The following ESCO2 variants were observed in gnomAD, a reference collection of about 807,000 sequenced individuals.
ESCO2 encodes the protein establishment of sister chromatid cohesion N-acetyltransferase 2.
A neutral mutation model predicts 61.7 loss-of-function variants in ESCO2; 51 were observed. The observed-to-expected ratio is 0.83, with a 90% CI of 0.66 to 1.04. The LOEUF (loss-of-function observed/expected upper bound fraction) is 1.04, where lower values mean the gene tolerates loss of function less well. ESCO2 is among the 50% of genes least tolerant of loss of function. The pLI, the probability that ESCO2 is intolerant of heterozygous loss-of-function variation, is 0.00. For missense variants in ESCO2, 692 were observed against 686.2 expected (o/e 1.01, Z -0.09); for synonymous variants, 230 against 238.2 (o/e 0.97, Z 0.32).
At chr8:27,797,817 C>T (rs1368480898) in intron 9 of ESCO2, among the ~76,000 whole-genome samples, 2 of 152,132 alleles carry the variant, frequency 1.3e-5, no homozygotes, top group Non-Finnish European at 2.9e-5. Context: ...AAGCTCTGCA[C>T]TTTTTTTCCC....
At chr8:27,792,253 A>G (rs1805193680) in intron 8 of ESCO2, among the ~76,000 whole-genome samples, 2 of 152,198 alleles carry the variant, frequency 1.3e-5, no homozygotes, top group Admixed American at 1.3e-4. Flanking sequence ...CTTATCTTTT[A>G]TATTCATCTT....
Position 27,776,643 on chromosome 8 carries a change from C to G in ESCO2, c.335C>G (p.Thr112Ser), listed in dbSNP as rs754282679. The G allele has an allele frequency of 1.9e-6, 3 of 1,613,864 alleles. No homozygotes were observed. The East Asian group carries it at 6.7e-5, about 36-fold the overall frequency. Residue 112 changes from threonine to serine, a missense_variant, in exon 3 of 11, where the codon ACT (threonine) becomes AGT (serine). Physicochemically the swap from Thr to Ser is moderately conservative, Grantham distance 58. Transcript: ENST00000305188. ...IKESRSTCLK[T>S]NDEDKSFPIV... ...GAGAGTAGATCTACTTGTCTAAAAA[C>G]TAATGATGAAGATAAATCTTTTCCC...
At chr8:27,772,891 G>A (rs1163365457), upstream of ESCO2, among the ~76,000 whole-genome samples, 2 of 152,140 alleles carry the variant, frequency 1.3e-5, no homozygotes, top group Non-Finnish European at 2.9e-5. Context: ...AAGTTAATGG[G>A]CGCCAAGGGT....
At position 27,788,968 on chromosome 8, in the gene ESCO2, T is replaced by A; in HGVS notation, c.1253T>A (p.Ile418Asn). 1 of 1,614,080 alleles carries A rather than the reference T, an allele frequency of 6.2e-7. No individual in the cohort carries two copies. The highest frequency in any genetic ancestry group is 1.1e-5 in the South Asian group (1 of 91,082). ...CATCACCACAGGTTTCTGGAAGGAATCAAATATGTGGTGAGCCAAAACATA... is the reference window on the plus strand; with the variant it reads ...CATCACCACAGGTTTCTGGAAGGAAACAAATATGTGGTGAGCCAAAACATA... ...VQHHHRFLEG[I>N]KYVGWKKERV... Residue 418 changes from isoleucine to asparagine, a missense_variant, in exon 7 of 11, where the codon ATC becomes AAC. Physicochemically the swap from Ile to Asn is moderately radical, Grantham distance 149. Transcript: ENST00000305188.
At chr8:27,774,773 C>G in intron 1 of ESCO2, 166 bp downstream of exon 1, 1 of 152,300 alleles carries the variant, frequency 6.6e-6, no homozygotes, top group Non-Finnish European at 1.5e-5. Context: ...TCCGCGCTCA[C>G]AGGCGCCGGG....
the ESCO2 span, among the ~76,000 whole-genome samples, chr8:27,818,922 GT>G: frequency 2.6e-5 from 4 of 151,980 alleles, no homozygotes; most frequent in African/African-American, 9.7e-5. Flanking sequence ...AAACAGCTGT[GT>G]TTTTTTCTAA....
chr8:27,795,927 C>A (rs1221646241), intron 9 of ESCO2, among the ~76,000 whole-genome samples: 1 of 150,576 alleles, frequency 6.6e-6, no homozygotes, highest in African/African-American at 2.4e-5. Flanking sequence ...TTGTAGTGTC[C>A]TTTTCTGGCT....
chr8:27,790,468 T>G (rs1258436050), intron 7 of ESCO2, among the ~76,000 whole-genome samples: 1 of 152,220 alleles, frequency 6.6e-6, no homozygotes, highest in Non-Finnish European at 1.5e-5. Context: ...AACAGATTCA[T>G]CTATATATCT....
the ESCO2 span, among the ~76,000 whole-genome samples, chr8:27,818,023 C>G: frequency 4.6e-5 from 7 of 152,190 alleles, no homozygotes; most frequent in Non-Finnish European, 2.9e-5. Context: ...CAGCTCATAA[C>G]TACTGTATTG....
intron 7 of ESCO2, 36 bp from the exon 8 acceptor site, chr8:27,791,927 A>G (rs570516620): frequency 6.3e-7 from 1 of 1,595,030 alleles, no homozygotes; most frequent in African/African-American, 1.3e-5. Context: ...TCCTCTTCAC[A>G]AATTAAACTG....
Position 27,776,929 on chromosome 8 carries a change from T to C in ESCO2, c.621T>C (p.Gly207=), listed in dbSNP as rs1323155281. ...TAAAACCACAAGTTACACTCCAGGG[T>C]GGAGCAGCATTTTTTGTTAGAAAAA... ...QKIKPQVTLQ[G]GAAFFVRKKS... The change falls in exon 3 of 11, where the codon GGT becomes GGC. Residue 207 remains glycine (G), a synonymous_variant. Transcript: ENST00000305188. 6 of 1,613,380 alleles carry C rather than the reference T, an allele frequency of 3.7e-6. No homozygotes were observed. The highest frequency in any genetic ancestry group is 5.1e-6 in the Non-Finnish European group (6 of 1,179,894).
rs192436463 is a variant in ESCO2, at chr8:27,782,816, C to T, written c.956-1184C>T. ...AATCTTTTTGTCTTTATCCTTATAA[C>T]TTCTAGTCAAAACACCATTTGCTAA... On this transcript the variant is annotated intron_variant, in intron 4 of 10. Coordinates refer to ENST00000305188, the MANE Select transcript of ESCO2 (RefSeq NM_001017420.3). Among the ~76,000 whole-genome samples, 4 of 151,994 alleles carry T rather than the reference C, an allele frequency of 2.6e-5. No individual in the cohort carries two copies. The East Asian group carries it at 5.8e-4, about 22-fold the overall frequency.
At chr8:27,789,166 T>C (rs983640462) in intron 7 of ESCO2, among the ~76,000 whole-genome samples, 188 bp downstream of exon 7, 6 of 152,178 alleles carry the variant, frequency 3.9e-5, no homozygotes, top group African/African-American at 1.4e-4. Flanking sequence ...AGTCCAGATA[T>C]ACAAAATTCA....
rs764809668 is a variant in ESCO2 at position 27,780,187 on chromosome 8, A to G, written c.875A>G (p.Asp292Gly). ...ACCTATTTTCAGGATTCATCAGATG[A>G]CAGAGTTTCTTCAAAGGAACATAAA... ...KEKLIKDSSD[D>G]RVSSKEHKVD... The change falls in exon 4 of 11, where the codon GAC becomes GGC. Residue 292 changes from aspartate (D) to glycine (G), a missense_variant. Transcript: ENST00000305188. The G allele has an allele frequency of 6.2e-7, 1 of 1,606,718 alleles. No individual in the cohort carries two copies. Among genetic ancestry groups the G allele is most frequent in the South Asian group, 1.1e-5 (1 of 90,364 alleles).
At chr8:27,789,797 AAGCCAT>A (rs1469765064) in intron 7 of ESCO2, among the ~76,000 whole-genome samples, 1 of 151,924 alleles carries the variant, frequency 6.6e-6, no homozygotes, top group Non-Finnish European at 1.5e-5. Context: ...AAAAAAAAAA[AAGCCAT>A]AGATGAAACA....
At chr8:27,797,456 A>G (rs552785075) in intron 9 of ESCO2, among the ~76,000 whole-genome samples, 3 of 152,176 alleles carry the variant, frequency 2.0e-5, no homozygotes, top group African/African-American at 7.2e-5. Context: ...CTTTCAGTCT[A>G]TGTGAGTCTT....
intron 5 of ESCO2, among the ~76,000 whole-genome samples, chr8:27,786,545 T>C (rs952854407): frequency 4.6e-5 from 7 of 152,236 alleles, no homozygotes; most frequent in African/African-American, 1.7e-4. Context: ...TCCAGTGGTA[T>C]ACTGAGTTAG....
Position 27,776,793 on chromosome 8 carries a change from C to G in ESCO2, c.485C>G (p.Ser162Cys). 1 of 1,614,022 alleles carries G rather than the reference C, an allele frequency of 6.2e-7. No individual in the cohort carries two copies. The highest frequency in any genetic ancestry group is 8.5e-7 in the Non-Finnish European group (1 of 1,180,006). The part of the protein sequence containing the change: ...YRHIKPVSRN[S>C]RNSKQNRVIY... ...CACATCAAGCCTGTATCAAGGAATT[C>G]TAGAAATTCCAAGCAAAATCGAGTG... Residue 162 changes from serine (S) to cysteine (C), a missense_variant, in exon 3 of 11, where the codon TCT becomes TGT. Physicochemically the swap from Ser to Cys is moderately radical, Grantham distance 112. Coordinates refer to ENST00000305188, the MANE Select transcript of ESCO2 (RefSeq NM_001017420.3).
chr8:27,791,368 C>G (rs1693183455), intron 7 of ESCO2, among the ~76,000 whole-genome samples: 1 of 152,124 alleles, frequency 6.6e-6, no homozygotes, highest in Non-Finnish European at 1.5e-5. Context: ...TTGCCTTAGC[C>G]TGAAGGCAAG....
Sources: gnomAD v4.1 joint callset for allele counts (sites outside exome capture counted in the v4.1 genomes callset) on GRCh38, gnomAD v4.1.1 for gene constraint, MANE v1.5 for transcripts, NCBI Gene and HGNC (gene_info 2026-07-23, HGNC 2026-07-21) for gene names.